The following KLF12 variants were observed in gnomAD, a reference collection of about 807,000 sequenced individuals.
KLF12 encodes KLF transcription factor 12, also known as Krueppel-like factor 12.
In KLF12, 9 loss-of-function variants were observed where a neutral mutation model predicts 37.8. The observed-to-expected ratio is 0.24, with a 90% CI of 0.14 to 0.42. KLF12 has a LOEUF of 0.42. Among genes scored for constraint, KLF12 ranks in the 10% least tolerant of loss-of-function variants. The pLI is 1.00. For missense variants in KLF12, 411 were observed against 516.0 expected (o/e 0.80, Z 1.97); for synonymous variants, 208 against 202.1 (o/e 1.03, Z -0.25).
intron 3 of KLF12, among the ~76,000 whole-genome samples, chr13:73,871,845 T>C (rs1165457382): frequency 2.1e-5 from 3 of 140,708 alleles, no homozygotes; most frequent in Non-Finnish European, 4.6e-5. Flanking sequence ...ATTAAAGTTA[T>C]CTGCCTGCAG....
intron 1 of KLF12, among the ~76,000 whole-genome samples, chr13:74,132,812 A>G (rs554719219): frequency 6.6e-5 from 10 of 152,242 alleles, no homozygotes; most frequent in Admixed American, 3.9e-4. Context: ...AGTGCACCCC[A>G]CCCTTTTCCC....
In KLF12 at chr13:74,053,041, G is replaced by T. The variant is rs539955488; in HGVS notation, c.-31-57988C>A. Among the ~76,000 whole-genome samples, 4 of 152,166 alleles carry T rather than the reference G, an allele frequency of 2.6e-5. No homozygotes were observed. In the East Asian group the frequency reaches 7.7e-4, roughly 29 times the overall value. ...TATTCCGCACCAGGAGGGCCCTTGT[G>T]TCAATCAGGAAACTATATTATCTAG... On this transcript the variant is annotated intron_variant, in intron 1 of 7. Coordinates refer to ENST00000377669, the MANE Select transcript of KLF12 (RefSeq NM_007249.5).
intron 1 of KLF12, among the ~76,000 whole-genome samples, chr13:74,006,994 A>G (rs768813267): frequency 1.3e-5 from 2 of 151,998 alleles, no homozygotes; most frequent in African/African-American, 4.8e-5. Flanking sequence ...CTCAATTTAC[A>G]TTTACTTTCA....
Position 74,036,559 on chromosome 13 carries a change from G to A in KLF12, c.-31-41506C>T, listed in dbSNP as rs185810378. Among the ~76,000 whole-genome samples, 3 of 152,304 alleles carry A rather than the reference G, an allele frequency of 2.0e-5. No individual in the cohort carries two copies. In the East Asian group the frequency reaches 5.8e-4, roughly 29 times the overall value. ...GTTTTTCAACCTGAGGATGTGGTAA[G>A]ATTTTTCTATCCAGATGACAGAGGA... On this transcript the variant is annotated intron_variant, in intron 1 of 7. Transcript: ENST00000377669.
At chr13:74,002,885 C>T (rs1892318107) in intron 1 of KLF12, among the ~76,000 whole-genome samples, 1 of 152,130 alleles carries the variant, frequency 6.6e-6, no homozygotes, top group African/African-American at 2.4e-5. Context: ...AATAATACTC[C>T]ATGGAACCTG....
intron 1 of KLF12, among the ~76,000 whole-genome samples, chr13:74,098,249 T>C (rs1036802658): frequency 8.5e-5 from 13 of 152,190 alleles, no homozygotes; most frequent in African/African-American, 2.9e-4. Flanking sequence ...GTGAGAACAT[T>C]GCATGCACTT....
At chr13:74,139,930 T>C in the KLF12 span, among the ~76,000 whole-genome samples, 1 of 152,036 alleles carries the variant, frequency 6.6e-6, no homozygotes, top group South Asian at 2.1e-4. Flanking sequence ...TCCACTAAAG[T>C]TTATCTAGTT....
chr13:73,889,226 T>C (rs1887379573), intron 3 of KLF12, among the ~76,000 whole-genome samples: 2 of 152,126 alleles, frequency 1.3e-5, no homozygotes. Flanking sequence ...TTAACATTTA[T>C]ATACAAAATG....
intron 1 of KLF12, among the ~76,000 whole-genome samples, chr13:74,032,929 T>C (rs1192886722): frequency 6.6e-6 from 1 of 152,244 alleles, no homozygotes; most frequent in Non-Finnish European, 1.5e-5. Context: ...CAATTGCTTT[T>C]ATTCTTTAAA....
chr13:73,763,558 G>T (rs895188490), intron 6 of KLF12, among the ~76,000 whole-genome samples: 2 of 152,144 alleles, frequency 1.3e-5, no homozygotes, highest in Non-Finnish European at 2.9e-5. Flanking sequence ...AATTATGCAG[G>T]AACATCATTA....
chr13:73,749,116 T>C (rs1345106240), intron 6 of KLF12, among the ~76,000 whole-genome samples: 1 of 152,204 alleles, frequency 6.6e-6, no homozygotes, highest in African/African-American at 2.4e-5. Context: ...CTCAGCTTGC[T>C]ACAATCCTAG....
chr13:74,121,237 G>A (rs763671865), intron 1 of KLF12, among the ~76,000 whole-genome samples: 3 of 151,962 alleles, frequency 2.0e-5, no homozygotes, highest in Non-Finnish European at 4.4e-5. Flanking sequence ...ACAGAATAAG[G>A]AGTCAAAAAA....
chr13:73,959,597 T>C (rs1890956706), intron 2 of KLF12, among the ~76,000 whole-genome samples: 1 of 151,472 alleles, frequency 6.6e-6, no homozygotes, highest in Non-Finnish European at 1.5e-5. Flanking sequence ...AAAAGTATTA[T>C]ATATAATTAG....
At chr13:74,198,841 T>C in the KLF12 span, among the ~76,000 whole-genome samples, 12 of 152,124 alleles carry the variant, frequency 7.9e-5, no homozygotes, top group South Asian at 1.9e-3. Context: ...TCATGTGCCA[T>C]GGAAGGAAGC....
the KLF12 span, among the ~76,000 whole-genome samples, chr13:74,152,507 A>G: frequency 1.3e-5 from 2 of 152,152 alleles, no homozygotes; most frequent in Non-Finnish European, 2.9e-5. Context: ...CCACCTGACA[A>G]ACTTACAAGC....
intron 4 of KLF12, among the ~76,000 whole-genome samples, chr13:73,824,905 TAAAAATACA>T (rs1407999449): frequency 6.6e-6 from 1 of 152,028 alleles, no homozygotes; most frequent in Non-Finnish European, 1.5e-5. Flanking sequence ...CCATCTCTAC[TAAAAATACA>T]AAAAATTAGC....
the KLF12 span, among the ~76,000 whole-genome samples, chr13:74,200,195 G>C: frequency 4.6e-5 from 7 of 151,946 alleles, no homozygotes; most frequent in Admixed American, 2.0e-4. Flanking sequence ...TGCTCAGGGG[G>C]GGGGTTTCCT....
At chr13:74,159,033 T>C in the KLF12 span, among the ~76,000 whole-genome samples, 2 of 152,232 alleles carry the variant, frequency 1.3e-5, no homozygotes, top group African/African-American at 4.8e-5. Context: ...CCCACTTCTC[T>C]GTATGTAAAT....
At chr13:74,161,067 TC>T in the KLF12 span, among the ~76,000 whole-genome samples, 1 of 119,980 alleles carries the variant, frequency 8.3e-6, no homozygotes, top group East Asian at 4.7e-4. Context: ...TTCAGGAGAG[TC>T]TTTTTTTTTT....
Sources: gnomAD v4.1 joint callset for allele counts (sites outside exome capture counted in the v4.1 genomes callset) on GRCh38, gnomAD v4.1.1 for gene constraint, MANE v1.5 for transcripts, NCBI Gene and HGNC (gene_info 2026-07-23, HGNC 2026-07-21) for gene names.